Variants in GANC observed in about 807,000 individuals in gnomAD.
GANC encodes the protein neutral alpha-glucosidase C.
A neutral mutation model predicts 124.2 loss-of-function variants in GANC; 117 were observed. That is an observed-to-expected ratio of 0.94 (90% CI 0.81 to 1.10). GANC has a LOEUF of 1.10. Ranked by LOEUF, GANC falls within the 50% of genes least tolerant of loss-of-function variation. The probability of loss-of-function intolerance (pLI) is 0.00; values close to 1 mark genes in which losing one functional copy is unlikely to be tolerated. For missense variants in GANC, 1,140 were observed against 1,095.0 expected (o/e 1.04, Z -0.58); for synonymous variants, 377 against 376.8 (o/e 1.00, Z -0.01).
chr15:42,275,781 T>C lies in GANC; in HGVS notation c.30-567T>C, dbSNP rs114506485. Among the ~76,000 whole-genome samples the C allele has an allele frequency of 1.6e-3, 240 of 152,320 alleles. 3 individuals are homozygous for C. Among genetic ancestry groups the C allele is most frequent in the African/African-American group, 5.6e-3 (232 of 41,572 alleles). On this transcript the variant is annotated intron_variant, in intron 1 of 23. Coordinates refer to ENST00000318010, the MANE Select transcript of GANC (RefSeq NM_198141.3). ...GCAAGAAATTCCCCTTCTACGTCTG[T>C]TCTGTTCTTATTCTAGCACCTTGCA...
chr15:42,326,218 CAAACTA>C (rs1483043892), intron 11 of GANC, 74 bp from the exon 12 acceptor site: 1 of 1,025,174 alleles, frequency 9.8e-7, no homozygotes, highest in East Asian at 2.5e-5. Context: ...ATTGAACCCC[CAAACTA>C]TGGCGAAAAC....
chr15:42,312,760 G>A (rs976533171), intron 10 of GANC, among the ~76,000 whole-genome samples: 14 of 152,016 alleles, frequency 9.2e-5, no homozygotes, highest in African/African-American at 2.4e-4. Context: ...CCAACATGGC[G>A]AAAACCTGTC....
At chr15:42,345,728 T>C in intron 19 of GANC, 30 bp from the exon 20 acceptor site, 2 of 1,439,334 alleles carry the variant, frequency 1.4e-6, no homozygotes, top group Non-Finnish European at 1.9e-6. Context: ...GCTTATGTAC[T>C]CTTTTTTACT....
Position 42,337,347 on chromosome 15 carries a change from A to T in GANC, c.1742-1042A>T, listed in dbSNP as rs1454617182. Among the ~76,000 whole-genome samples the T allele has an allele frequency of 7.2e-5, 11 of 152,248 alleles. No individual in the cohort carries two copies. The East Asian group carries it at 1.2e-3, about 16-fold the overall frequency. On this transcript the variant is annotated intron_variant, in intron 15 of 23. Coordinates refer to ENST00000318010, the MANE Select transcript of GANC (RefSeq NM_198141.3). ...TCTTGCCTGTGATCTGGTCTTTGAT[A>T]TTTTTTTCTTTTTTATTAAATTTAT...
chr15:42,301,055 A>C (rs1304121409), intron 6 of GANC, among the ~76,000 whole-genome samples: 1 of 151,794 alleles, frequency 6.6e-6, no homozygotes, highest in Non-Finnish European at 1.5e-5. Flanking sequence ...AAAATGTGGT[A>C]TGCTGTGGCT....
chr15:42,336,676 T>C (rs2052285740), intron 15 of GANC, among the ~76,000 whole-genome samples: 1 of 152,184 alleles, frequency 6.6e-6, no homozygotes, highest in Non-Finnish European at 1.5e-5. Flanking sequence ...CTGAAGAAAC[T>C]GTCAATAGAG....
intron 1 of GANC, among the ~76,000 whole-genome samples, chr15:42,276,073 A>G (rs1039136713): frequency 7.2e-5 from 11 of 152,214 alleles, no homozygotes. Context: ...TTTCAAAAGA[A>G]TATGTCCTCA....
At chr15:42,350,615 T>A (rs953205627) in intron 22 of GANC, among the ~76,000 whole-genome samples, 3 of 146,624 alleles carry the variant, frequency 2.0e-5, no homozygotes, top group Non-Finnish European at 4.5e-5. Flanking sequence ...TGCAGTGGCA[T>A]GATCTCAGCT....
intron 15 of GANC, 122 bp downstream of exon 15, chr15:42,330,794 ATTTG>A (rs2052238759): frequency 1.8e-5 from 8 of 437,942 alleles, no homozygotes; most frequent in Admixed American, 6.1e-5. Flanking sequence ...TTTTTTTTTC[ATTTG>A]TTTGTTTGAA....
intron 18 of GANC, 62 bp downstream of exon 18, chr15:42,340,816 G>C (rs1433779257): frequency 2.2e-6 from 3 of 1,358,846 alleles, no homozygotes; most frequent in Non-Finnish European, 3.0e-6. Context: ...ACCTAGGCTG[G>C]AGTGCAGTGA....
chr15:42,343,696 C>T (rs1310130764), intron 19 of GANC, among the ~76,000 whole-genome samples: 1 of 152,078 alleles, frequency 6.6e-6, no homozygotes, highest in East Asian at 1.9e-4. Context: ...TGCTGGAGCC[C>T]AGGGCACTGA....
chr15:42,341,119 T>C (rs975371800), intron 18 of GANC, among the ~76,000 whole-genome samples: 1 of 133,554 alleles, frequency 7.5e-6, no homozygotes, highest in Non-Finnish European at 1.6e-5. Context: ...GTTTTTATTA[T>C]ATTTTCTAAT....
intron 11 of GANC, among the ~76,000 whole-genome samples, chr15:42,325,467 C>T (rs998421253): frequency 1.3e-5 from 2 of 152,168 alleles, no homozygotes; most frequent in South Asian, 2.1e-4. Flanking sequence ...AGAGACACAG[C>T]GCTGTGGCTT....
At chr15:42,280,617 T>C (rs1229180915) in intron 3 of GANC, among the ~76,000 whole-genome samples, 1 of 152,220 alleles carries the variant, frequency 6.6e-6, no homozygotes, top group Non-Finnish European at 1.5e-5. Context: ...TCTCATTGTC[T>C]CATTTTCTTT....
rs769327896 is a variant in GANC at position 42,310,395 on chromosome 15, A to G, written c.835A>G (p.Thr279Ala). The G allele has an allele frequency of 2.5e-6, 4 of 1,613,854 alleles. No homozygotes were observed. The highest frequency in any genetic ancestry group is 2.7e-5 in the African/African-American group (2 of 74,912). ...PYLLAHKLGRTIGIFWLNASE... is the reference protein window; with the variant it reads ...PYLLAHKLGRAIGIFWLNASE... The stretch of plus-strand genomic sequence containing the variant: ...TCTCCTGGCCCACAAACTGGGCAGA[A>G]CTATAGGTATTTTCTGGCTGAATGC... The change falls in exon 9 of 24, where the codon ACT becomes GCT. Residue 279 changes from threonine to alanine, a missense_variant. By Grantham distance (58) the Thr-to-Ala change is moderately conservative. Coordinates refer to ENST00000318010, the MANE Select transcript of GANC (RefSeq NM_198141.3).
At chr15:42,330,770 C>CTTTTTTTTTTTTTTTTT (rs71108160) in intron 15 of GANC, 98 bp downstream of exon 15, 3 of 361,074 alleles carry the variant, frequency 8.3e-6, no homozygotes, top group African/African-American at 6.9e-5. Flanking sequence ...CTTCCTTTTC[C>CTTTTTTTTTTTTTTTTT]TTTTTTTTTT....
chr15:42,319,344 C>CTTAAG (rs140166018), intron 10 of GANC, among the ~76,000 whole-genome samples: 137,973 of 151,664 alleles, frequency 0.91, 64,110 homozygotes, highest in Non-Finnish European at 1. Context: ...TGATGAGCCT[C>CTTAAG]TTTTTTGTTT....
chr15:42,318,256 GTTTA>G (rs922804912), intron 10 of GANC, among the ~76,000 whole-genome samples: 4 of 152,096 alleles, frequency 2.6e-5, no homozygotes, highest in South Asian at 2.1e-4. Context: ...CCCTTGCTGT[GTTTA>G]TTTGTTTGTA....
intron 11 of GANC, among the ~76,000 whole-genome samples, chr15:42,322,951 C>T (rs1403004111): frequency 6.6e-6 from 1 of 152,122 alleles, no homozygotes; most frequent in Non-Finnish European, 1.5e-5. Context: ...CTTTTCAACC[C>T]ATTCCTTTGA....
Sources: allele counts gnomAD v4.1 joint callset (sites outside exome capture counted in the v4.1 genomes callset), GRCh38; gene constraint gnomAD v4.1.1; transcripts MANE v1.5; gene names NCBI Gene and HGNC (gene_info 2026-07-23, HGNC 2026-07-21).